DRP2: variants seen among roughly 807,000 people sequenced by gnomAD.
The protein encoded by DRP2 is dystrophin-related protein 2.
A neutral mutation model predicts 78.2 loss-of-function variants in DRP2; 29 were observed. The ratio of observed to expected loss-of-function variants is 0.37; its 90% CI spans 0.28 to 0.51. The LOEUF (loss-of-function observed/expected upper bound fraction) is 0.51. DRP2 is among the 20% of genes least tolerant of loss of function. The pLI, the probability that DRP2 is intolerant of heterozygous loss-of-function variation, is 0.94. For synonymous variants in DRP2, 290 were observed against 281.9 expected, an observed-to-expected ratio of 1.03 and a Z score of -0.29; for missense variants, 686 against 770.6, an observed-to-expected ratio of 0.89 and a Z score of 1.30.
chrX:101,229,542 G>A (rs1922230478), intron 2 of DRP2, among the ~76,000 whole-genome samples: 1 of 111,388 alleles, frequency 9.0e-6, no homozygotes, highest in Admixed American at 9.6e-5. Context: ...TTCTCACTCG[G>A]TAAGTTCTAA....
intron 2 of DRP2, among the ~76,000 whole-genome samples, chrX:101,229,901 A>G (rs1255468046): frequency 1.8e-5 from 2 of 111,960 alleles, no homozygotes; most frequent in African/African-American, 6.5e-5. Context: ...CTTTACATCT[A>G]AAGCTGAATA....
At chrX:101,241,289 A>G (rs1445862671) in intron 6 of DRP2, among the ~76,000 whole-genome samples, 4 of 110,198 alleles carry the variant, frequency 3.6e-5, no homozygotes, top group African/African-American at 1.3e-4. Context: ...TACAAGTAAA[A>G]CTGGGGAAAC....
intron 10 of DRP2, 100 bp downstream of exon 10, chrX:101,245,177 T>G: frequency 2.2e-6 from 2 of 929,542 alleles, no homozygotes; most frequent in Non-Finnish European, 3.0e-6. Flanking sequence ...CTGTTGGGAT[T>G]CCTCCATCCA....
chrX:101,224,473 A>T (rs980511122), intron 1 of DRP2, 131 bp from the exon 2 acceptor site: 16 of 110,118 alleles, frequency 1.5e-4, no homozygotes, highest in African/African-American at 5.3e-4. Flanking sequence ...TAGATTTTTT[A>T]AAAATGTTTT....
At chrX:101,253,198 C>T (rs1923198925) in intron 17 of DRP2, among the ~76,000 whole-genome samples, 1 of 111,144 alleles carries the variant, frequency 9.0e-6, no homozygotes, top group Admixed American at 9.6e-5. Flanking sequence ...ATTAATTATT[C>T]ATCCCTTGGA....
At chrX:101,254,724 A>G in intron 18 of DRP2, 135 bp from the exon 19 acceptor site, 1 of 1,042,017 alleles carries the variant, frequency 9.6e-7, no homozygotes, top group Non-Finnish European at 1.3e-6. Flanking sequence ...TGGCCTGAGA[A>G]GTAGACTGGA....
In DRP2 at chrX:101,256,209, G is replaced by A. The variant is rs1278278381; in HGVS notation, c.2338G>A (p.Glu780Lys). 5 of 1,206,233 alleles carry A rather than the reference G, an allele frequency of 4.1e-6. No individual in the cohort carries two copies. The African/African-American group carries it at 7.0e-5, about 17-fold the overall frequency. ...GCAGGCTCCATGCAGTGTGGCCACA[G>A]AAAGCAAAGGGGAGCTACAGAAGAT... is the stretch of plus-strand genomic sequence containing the variant. ...GQQAPCSVAT[E>K]SKGELQKILA... The change falls in exon 21 of 24, where the codon GAA (glutamate) becomes AAA (lysine). Residue 780 changes from glutamate (E) to lysine (K), a missense_variant. This residue lies in a region of DRP2 where 423 missense variants were observed against 531.5 expected (regional missense o/e 0.80). Transcript: ENST00000395209.
chrX:101,220,713 G>A (rs1012871389), intron 1 of DRP2, among the ~76,000 whole-genome samples: 7 of 111,076 alleles, frequency 6.3e-5, no homozygotes, highest in Non-Finnish European at 1.3e-4. Flanking sequence ...CTTTGCTGAA[G>A]TAAACCAGGC....
chrX:101,234,081 G>C (rs1163801587), intron 3 of DRP2, among the ~76,000 whole-genome samples: 3 of 112,105 alleles, frequency 2.7e-5, no homozygotes, highest in African/African-American at 9.7e-5. Flanking sequence ...TCTGTCCCCA[G>C]ATGTGCCACA....
In DRP2 at chrX:101,248,224, G is replaced by A; in HGVS notation, c.1388G>A (p.Gly463Asp). The A allele has an allele frequency of 8.3e-7, 1 of 1,211,680 alleles. No homozygotes were observed. The highest frequency in any genetic ancestry group is 1.1e-6 in the Non-Finnish European group (1 of 895,502). ...TATGAACGTTTGGAGGAGGAAAGAGGCATCCTGGTCAACGTGCCACTCTGT... is the reference window on the plus strand; with the variant it reads ...TATGAACGTTTGGAGGAGGAAAGAGACATCCTGGTCAACGTGCCACTCTGT... ...ALYERLEEER[G>D]ILVNVPLCVD... Residue 463 changes from glycine (G) to aspartate (D), a missense_variant, in exon 13 of 24, where the codon GGC becomes GAC. By Grantham distance (94) the Gly-to-Asp change is moderately conservative. Transcript: ENST00000395209.
chrX:101,254,936 T>C lies in DRP2; in HGVS notation c.2180+12T>C, dbSNP rs2147351425. 2.5e-6 allele frequency: 3 copies of C among 1,210,389 alleles called. No homozygotes were observed. The highest frequency in any genetic ancestry group is 3.4e-6 in the Non-Finnish European group (3 of 895,016). On this transcript the variant is annotated intron_variant, in intron 19 of 23. Coordinates refer to ENST00000395209, the MANE Select transcript of DRP2 (RefSeq NM_001939.3). ...CATTTTGCCAGCAGGTACCACCAGG[T>C]TTGCGGGAGGTGGGTAGGAGCTGTT...
chrX:101,223,632 C>T (rs757537960), intron 1 of DRP2, among the ~76,000 whole-genome samples: 4 of 112,534 alleles, frequency 3.6e-5, no homozygotes, highest in African/African-American at 1.3e-4. Context: ...CTTACACTCC[C>T]ACCATCAGTG....
In DRP2 at chrX:101,260,205, A is replaced by G. The variant is rs765863919; in HGVS notation, c.2749+36A>G. On this transcript the variant is annotated intron_variant, in intron 23 of 23. Coordinates refer to ENST00000395209, the MANE Select transcript of DRP2 (RefSeq NM_001939.3). ...CTGGCCTTTCCCAGCCCCTTTCTCC[A>G]TGGCTTTGTCCTGCCCTCGATTTCC... is the stretch of plus-strand genomic sequence containing the variant. The G allele has an allele frequency of 1.8e-5, 22 of 1,203,437 alleles. No homozygotes were observed. In the Admixed American group the frequency reaches 4.4e-4, roughly 24 times the overall value.
chrX:101,246,316 A>G (rs140974922), intron 11 of DRP2, among the ~76,000 whole-genome samples: 1,442 of 111,979 alleles, frequency 0.013, 13 homozygotes, highest in Middle Eastern at 0.092. Context: ...GATGAGCGTA[A>G]CTCTTGTGTG....
intron 6 of DRP2, among the ~76,000 whole-genome samples, 193 bp from the exon 7 acceptor site, chrX:101,241,475 A>T (rs749056471): frequency 0.013 from 1,423 of 107,036 alleles, 28 homozygotes; most frequent in African/African-American, 0.048. Flanking sequence ...GTTTTTTTTT[A>T]AAAAAAACGT....
At chrX:101,227,574 A>G (rs1428530966) in intron 2 of DRP2, among the ~76,000 whole-genome samples, 1 of 111,799 alleles carries the variant, frequency 8.9e-6, no homozygotes, top group African/African-American at 3.3e-5. Context: ...GGATCATGAA[A>G]GACAGCACAG....
chrX:101,245,403 C>T lies in DRP2; in HGVS notation c.1131C>T (p.Thr377=). 1 of 1,205,470 alleles carries T rather than the reference C, an allele frequency of 8.3e-7. No individual in the cohort carries two copies. Among genetic ancestry groups the T allele is most frequent in the Non-Finnish European group, 1.1e-6 (1 of 892,195 alleles). The change falls in exon 11 of 24, where the codon ACC becomes ACT. Residue 377 remains threonine, a synonymous_variant. Transcript: ENST00000395209. ...TTGTTTGTAGCCACCAGGCTCAGAC[C>T]ACATGCTGGGACCATCCCAAGATGA... ...VPYYINHQAQ[T]TCWDHPKMTE...
chrX:101,245,532 A>G lies in DRP2; in HGVS notation c.1177+83A>G, dbSNP rs1348062790. ...AATGTCCATCTACAGATGAATGGAT[A>G]AAGAAAATGTGGTATATCCATGTAA... On this transcript the variant is annotated intron_variant, in intron 11 of 23. Transcript: ENST00000395209. 3.8e-6 allele frequency: 3 copies of G among 787,550 alleles called. No homozygotes were observed. In the African/African-American group the frequency reaches 6.2e-5, roughly 16 times the overall value. 64.9% of individuals were successfully genotyped at this position (787,550 alleles called of 1,213,427 possible).
At chrX:101,246,995 A>G (rs1922954297) in intron 11 of DRP2, 95 bp from the exon 12 acceptor site, 1 of 693,772 alleles carries the variant, frequency 1.4e-6, no homozygotes, top group African/African-American at 2.2e-5. Context: ...TCAGACATCT[A>G]TTGGTTGCCA....
Sources: gnomAD v4.1 joint callset for allele counts (sites outside exome capture counted in the v4.1 genomes callset) on GRCh38, gnomAD v4.1.1 for gene constraint, gnomAD v4.1.1 regional missense constraint, MANE v1.5 for transcripts, NCBI Gene and HGNC (gene_info 2026-07-23, HGNC 2026-07-21) for gene names.